Variants in PACRG observed in about 807,000 individuals in gnomAD.
PACRG encodes parkin coregulated.
A neutral mutation model predicts 29.7 loss-of-function variants in PACRG; 29 were observed. The observed-to-expected ratio is 0.98, with a 90% CI of 0.73 to 1.33. PACRG has a LOEUF of 1.33. PACRG is among the 40% of genes most tolerant of loss of function. PACRG has a pLI of 0.00. For missense variants in PACRG, 279 were observed against 316.2 expected (o/e 0.88, Z 0.89); for synonymous variants, 116 against 118.7 (o/e 0.98, Z 0.15).
At chr6:162,835,979 G>T (rs1789188336) in intron 2 of PACRG, among the ~76,000 whole-genome samples, 1 of 151,728 alleles carries the variant, frequency 6.6e-6, no homozygotes, top group African/African-American at 2.4e-5. Flanking sequence ...CCTTTGTTTT[G>T]GTCAGTTTTC....
At chr6:162,945,365 T>C (rs1285705357) in intron 2 of PACRG, among the ~76,000 whole-genome samples, 1 of 152,080 alleles carries the variant, frequency 6.6e-6, no homozygotes, top group East Asian at 1.9e-4. Flanking sequence ...GCTATACTTA[T>C]ATCAGATAAA....
chr6:162,962,029 T>G (rs1800662225), intron 2 of PACRG, among the ~76,000 whole-genome samples: 1 of 152,152 alleles, frequency 6.6e-6, no homozygotes, highest in Admixed American at 6.5e-5. Context: ...CCTCCTTGAA[T>G]TTCCTTTTTT....
chr6:163,227,737 G>A (rs573084462), intron 4 of PACRG, among the ~76,000 whole-genome samples: 11 of 152,250 alleles, frequency 7.2e-5, no homozygotes, highest in African/African-American at 2.6e-4. Context: ...TTGCAAGACT[G>A]GACAAGATAG....
At chr6:162,747,173 G>A (rs1354279386) in intron 1 of PACRG, among the ~76,000 whole-genome samples, 12 of 150,852 alleles carry the variant, frequency 8.0e-5, no homozygotes, top group Admixed American at 7.3e-4. Context: ...CTGCCAGCAC[G>A]GCTAGAATAT....
At chr6:163,108,447 C>T (rs371568323) in intron 4 of PACRG, among the ~76,000 whole-genome samples, 10 of 130,126 alleles carry the variant, frequency 7.7e-5, no homozygotes, top group African/African-American at 2.0e-4. Flanking sequence ...CAGGCTGGAA[C>T]GCAGTGGTGC....
intron 4 of PACRG, among the ~76,000 whole-genome samples, chr6:163,224,494 C>T (rs1002922579): frequency 6.6e-6 from 1 of 151,226 alleles, no homozygotes; most frequent in African/African-American, 2.4e-5. Flanking sequence ...GACATGTAGA[C>T]CAAATAGAAC....
At chr6:162,984,300 C>G (rs1056564480) in intron 2 of PACRG, among the ~76,000 whole-genome samples, 9 of 151,950 alleles carry the variant, frequency 5.9e-5, no homozygotes, top group African/African-American at 2.2e-4. Context: ...ATTACTTCTC[C>G]TAGAATAATA....
At chr6:162,955,834 C>A (rs775687806) in intron 2 of PACRG, among the ~76,000 whole-genome samples, 48 of 152,280 alleles carry the variant, frequency 3.2e-4, no homozygotes, top group South Asian at 8.3e-4. Flanking sequence ...GAATCACACC[C>A]CAGGTCCTTT....
At chr6:162,765,464 G>A (rs958692771) in intron 1 of PACRG, among the ~76,000 whole-genome samples, 11 of 152,056 alleles carry the variant, frequency 7.2e-5, no homozygotes, top group Non-Finnish European at 1.2e-4. Flanking sequence ...TCAACAGTGA[G>A]ACCACGTCTA....
At chr6:163,224,572 A>G (rs1465532486) in intron 4 of PACRG, among the ~76,000 whole-genome samples, 2 of 152,114 alleles carry the variant, frequency 1.3e-5, no homozygotes, top group African/African-American at 4.8e-5. Context: ...GCTGCCAAGA[A>G]CATAACACAG....
At chr6:163,025,435 G>A (rs1359130) in intron 2 of PACRG, among the ~76,000 whole-genome samples, 58,815 of 151,914 alleles carry the variant, frequency 0.39, 12,762 homozygotes, top group East Asian at 0.7. Context: ...ATTTCTATAC[G>A]CCAGCAACAC....
chr6:162,969,961 C>G (rs1801387422), intron 2 of PACRG, among the ~76,000 whole-genome samples: 1 of 152,138 alleles, frequency 6.6e-6, no homozygotes, highest in Non-Finnish European at 1.5e-5. Context: ...CACACAGCAC[C>G]TTGGAGTAAA....
At chr6:163,139,874 G>C (rs1438015180) in intron 4 of PACRG, among the ~76,000 whole-genome samples, 1 of 152,150 alleles carries the variant, frequency 6.6e-6, no homozygotes, top group African/African-American at 2.4e-5. Flanking sequence ...CGTTTGCTAA[G>C]GAGTCCCTCA....
intron 2 of PACRG, among the ~76,000 whole-genome samples, chr6:163,032,492 C>A (rs1349173808): frequency 1.3e-5 from 2 of 152,162 alleles, no homozygotes; most frequent in Non-Finnish European, 2.9e-5. Flanking sequence ...GATGTTAGAA[C>A]AGCCACAGTC....
At chr6:163,300,839 CTCT>C (rs149799499) in intron 4 of PACRG, among the ~76,000 whole-genome samples, 3,361 of 70,700 alleles carry the variant, frequency 0.048, 28 homozygotes, top group African/African-American at 0.097. Flanking sequence ...CCACTGCTTC[CTCT>C]CGTGAGTTTA....
At chr6:163,024,561 C>T (rs538708410) in intron 2 of PACRG, among the ~76,000 whole-genome samples, 27 of 152,298 alleles carry the variant, frequency 1.8e-4, no homozygotes, top group Non-Finnish European at 3.7e-4. Context: ...TATTCAGGCT[C>T]TTTCTTGGTT....
At chr6:162,762,204 C>T (rs1338622826) in intron 1 of PACRG, among the ~76,000 whole-genome samples, 2 of 152,076 alleles carry the variant, frequency 1.3e-5, no homozygotes, top group Non-Finnish European at 2.9e-5. Flanking sequence ...GAACTTAATC[C>T]TGATGGGGAG....
intron 4 of PACRG, among the ~76,000 whole-genome samples, chr6:163,244,405 C>T (rs1310023626): frequency 2.0e-5 from 3 of 152,268 alleles, no homozygotes; most frequent in African/African-American, 7.2e-5. Context: ...ACTTTACAAG[C>T]ACATTTTAGA....
intron 4 of PACRG, among the ~76,000 whole-genome samples, chr6:163,206,039 T>G (rs12199667): frequency 0.062 from 9,482 of 152,234 alleles, 398 homozygotes; most frequent in Middle Eastern, 0.18. Context: ...AGAATGGCTA[T>G]TGCTAAAAAG....
Sources: gnomAD v4.1 joint callset for allele counts (sites outside exome capture counted in the v4.1 genomes callset) on GRCh38, gnomAD v4.1.1 for gene constraint, MANE v1.5 for transcripts, NCBI Gene and HGNC (gene_info 2026-07-23, HGNC 2026-07-21) for gene names.